Variants in GET1 observed in about 807,000 individuals in gnomAD.
GET1 encodes the protein congenital heart disease 5 protein.
Under a neutral mutation model 22.6 loss-of-function variants are expected in GET1, and 20 were observed. The ratio of observed to expected loss-of-function variants is 0.89; its 90% confidence interval spans 0.62 to 1.29. The LOEUF is 1.29. Among genes scored for constraint, GET1 ranks in the 50% most tolerant of loss-of-function variants. GET1 has a pLI of 0.00. For synonymous variants in GET1, 92 were observed against 83.8 expected (o/e 1.10, Z -0.53); for missense variants, 209 against 219.9 (o/e 0.95, Z 0.31).
In GET1 at chr21:39,383,889, T is replaced by C. The variant is rs1168255160; in HGVS notation, c.102+3403T>C. On this transcript the variant is annotated intron_variant, in intron 1 of 4. Coordinates refer to ENST00000649170, the MANE Select transcript of GET1 (RefSeq NM_004627.6). ...CCAGGTAGCTGGGATTACAGGTGCA[T>C]GCCACCATGCTGGGCTAATTTTTGT... is the stretch of plus-strand genomic sequence containing the variant. Among the ~76,000 whole-genome samples the C allele has an allele frequency of 5.3e-5, 8 of 152,152 alleles. No individual in the cohort carries two copies. In the South Asian group the frequency reaches 1.0e-3, roughly 20 times the overall value.
chr21:39,412,659 G>A (rs1339747884), intron 1 of GET1, among the ~76,000 whole-genome samples: 3 of 152,104 alleles, frequency 2.0e-5, no homozygotes, highest in Non-Finnish European at 4.4e-5. Context: ...GTCTCCTTGT[G>A]CCCCTTAGGG....
intron 4 of GET1, 123 bp from the exon 5 acceptor site, chr21:39,396,743 C>T (rs2038681685): frequency 4.1e-6 from 3 of 735,352 alleles, no homozygotes; most frequent in East Asian, 5.8e-5. Flanking sequence ...ATAAACTTCA[C>T]TTCAGCCCAG....
chr21:39,394,568 G>A (rs1472158480), intron 4 of GET1, among the ~76,000 whole-genome samples: 2 of 152,084 alleles, frequency 1.3e-5, no homozygotes, highest in Non-Finnish European at 2.9e-5. Context: ...TCACTGTTCC[G>A]GAGGCTGGGG....
chr21:39,403,610 G>A (rs1460866576), intron 4 of GET1, among the ~76,000 whole-genome samples: 1 of 144,282 alleles, frequency 6.9e-6, no homozygotes, highest in Non-Finnish European at 1.5e-5. Flanking sequence ...ACCGCTCCCG[G>A]TCTACTATTT....
At chr21:39,387,697 C>T (rs567978037) in intron 1 of GET1, 5 of 767,662 alleles carry the variant, frequency 6.5e-6, no homozygotes, top group African/African-American at 1.9e-5. Flanking sequence ...ACACTCCCCC[C>T]CCCCACTTTT....
downstream of GET1, chr21:39,407,698 T>A (rs1205081422): frequency 6.6e-6 from 1 of 152,206 alleles, no homozygotes; most frequent in African/African-American, 2.4e-5. Flanking sequence ...GGGTTTTGCA[T>A]TTGCTTCCTC....
At chr21:39,417,116 T>C (rs1274485413) in intron 1 of GET1, among the ~76,000 whole-genome samples, 2 of 152,246 alleles carry the variant, frequency 1.3e-5, no homozygotes, top group Non-Finnish European at 1.5e-5. Flanking sequence ...CACTGTAATC[T>C]CCGCCTCCTG....
At chr21:39,417,100 T>G (rs1190536396) in intron 1 of GET1, among the ~76,000 whole-genome samples, 2 of 152,256 alleles carry the variant, frequency 1.3e-5, no homozygotes, top group Admixed American at 1.3e-4. Context: ...TGGCACGATC[T>G]TAGCTCACTG....
intron 3 of GET1, 152 bp downstream of exon 3, chr21:39,391,988 G>T: frequency 1.5e-6 from 1 of 677,816 alleles, no homozygotes; most frequent in Non-Finnish European, 2.6e-6. Flanking sequence ...AAACACTCTC[G>T]GTCTCTAAGT....
exon 5 of GET1, chr21:39,405,931 G>A (rs769708081): frequency 1.2e-6 from 2 of 1,611,110 alleles, no homozygotes; most frequent in Non-Finnish European, 1.7e-6. Context: ...TGGCTTAATA[G>A]AATTTACCAC....
At chr21:39,380,965 C>T (rs767838932) in intron 1 of GET1, 11 of 989,458 alleles carry the variant, frequency 1.1e-5, no homozygotes, top group East Asian at 1.1e-4. Context: ...CTCAGTACAG[C>T]GTGATGCCTT....
In GET1 at chr21:39,384,755, T is replaced by A. The variant is rs532216236; in HGVS notation, c.102+4269T>A. Among the ~76,000 whole-genome samples, 122 of 152,146 alleles carry A rather than the reference T, an allele frequency of 8.0e-4. 1 individual carries two copies. In the South Asian group the frequency reaches 8.1e-3, roughly 10 times the overall value. ...TCCTCCACCCTCCAAAATAGAAAAATTTGTTTTTAGAGGCCGGGTCTTGCT... is the reference window on the plus strand; with the variant it reads ...TCCTCCACCCTCCAAAATAGAAAAAATTGTTTTTAGAGGCCGGGTCTTGCT... On this transcript the variant is annotated intron_variant, in intron 1 of 4. Coordinates refer to ENST00000649170, the MANE Select transcript of GET1 (RefSeq NM_004627.6).
Position 39,405,824 on chromosome 21 carries a change from T to C in GET1, c.350-90T>C, listed in dbSNP as rs545842016. ...TCTCTCACACATTTCAAAAATAAGA[T>C]GCAAGGCACATAAGCAGCATTATAT... On this transcript the variant is annotated intron_variant, in intron 4 of 4. Transcript: ENST00000415847. The C allele has an allele frequency of 3.3e-5, 43 of 1,285,542 alleles. No homozygotes were observed. In the African/African-American group the frequency reaches 5.2e-4, roughly 16 times the overall value. 79.6% of individuals were successfully genotyped at this position (1,285,542 alleles called of 1,614,324 possible).
intron 1 of GET1, among the ~76,000 whole-genome samples, chr21:39,412,678 A>T (rs938596286): frequency 1.3e-5 from 2 of 152,066 alleles, no homozygotes; most frequent in Non-Finnish European, 2.9e-5. Flanking sequence ...GGTCAAATCT[A>T]TGGGCCAAGG....
intron 1 of GET1, among the ~76,000 whole-genome samples, chr21:39,417,798 CTCTGT>C (rs1253244595): frequency 4.6e-5 from 7 of 151,970 alleles, no homozygotes; most frequent in African/African-American, 1.7e-4. Flanking sequence ...TGGAGTCTCG[CTCTGT>C]CGCCCAGGCT....
intron 1 of GET1, chr21:39,423,588 C>T: frequency 2.0e-6 from 2 of 990,418 alleles, no homozygotes; most frequent in South Asian, 3.7e-5. Context: ...CATGCACACA[C>T]ACCACACACA....
downstream of GET1, among the ~76,000 whole-genome samples, chr21:39,400,453 A>C (rs1309286334): frequency 6.6e-6 from 1 of 152,204 alleles, no homozygotes; most frequent in Non-Finnish European, 1.5e-5. Context: ...GCATGCCTTC[A>C]GTCAGTACCC....
chr21:39,383,380 C>A (rs530164516), intron 1 of GET1, among the ~76,000 whole-genome samples: 1 of 151,782 alleles, frequency 6.6e-6, no homozygotes, highest in African/African-American at 2.4e-5. Flanking sequence ...CCCCCGAGTT[C>A]AAGAGATTCT....
intron 1 of GET1, among the ~76,000 whole-genome samples, chr21:39,416,562 G>T (rs1233440894): frequency 1.3e-5 from 2 of 152,150 alleles, no homozygotes; most frequent in African/African-American, 4.8e-5. Context: ...GGTGCTGGAG[G>T]TGTTCATTGC....
Sources: allele counts gnomAD v4.1 joint callset (sites outside exome capture counted in the v4.1 genomes callset), GRCh38; gene constraint gnomAD v4.1.1; transcripts MANE v1.5; gene names NCBI Gene and HGNC (gene_info 2026-07-23, HGNC 2026-07-21).